The following AFF3 variants were observed in gnomAD, a reference collection of about 807,000 sequenced individuals.
AFF3 encodes the protein AF4/FMR2 family member 3.
In AFF3, 32 loss-of-function variants were observed where a neutral mutation model predicts 129.7. The observed-to-expected ratio is 0.25, with a 90% confidence interval of 0.19 to 0.33. The LOEUF (loss-of-function observed/expected upper bound fraction) is 0.33, where lower values mean the gene tolerates loss of function less well. Among genes scored for constraint, AFF3 ranks in the 10% least tolerant of loss-of-function variants. AFF3 has a pLI of 1.00. For synonymous variants in AFF3, 644 were observed against 635.4 expected (o/e 1.01, Z -0.20); for missense variants, 1,373 against 1,592.0 (o/e 0.86, Z 2.34).
intron 8 of AFF3, among the ~76,000 whole-genome samples, chr2:99,791,877 C>T (rs1685218881): frequency 6.6e-6 from 1 of 150,566 alleles, no homozygotes; most frequent in Admixed American, 6.6e-5. Flanking sequence ...AGGCATCGTG[C>T]TCAGTGCTGT....
chr2:99,717,665 G>A (rs1265639660), intron 11 of AFF3, among the ~76,000 whole-genome samples: 1 of 152,156 alleles, frequency 6.6e-6, no homozygotes, highest in Non-Finnish European at 1.5e-5. Context: ...CCGGTTCGCA[G>A]CTTGACTTTT....
At chr2:100,104,950 C>G (rs1260454909) in intron 3 of AFF3, 1 of 155,218 alleles carries the variant, frequency 6.4e-6, no homozygotes, top group Non-Finnish European at 1.4e-5. Flanking sequence ...GTACTCCCCG[C>G]GCCGCTCCTC....
At chr2:99,652,386 A>G (rs1326346659) in intron 12 of AFF3, among the ~76,000 whole-genome samples, 1 of 152,152 alleles carries the variant, frequency 6.6e-6, no homozygotes, top group Non-Finnish European at 1.5e-5. Flanking sequence ...CAGGGATACT[A>G]AAGCCCTTCA....
chr2:100,133,511 C>A (rs924548328), intron 1 of AFF3, among the ~76,000 whole-genome samples: 10 of 152,076 alleles, frequency 6.6e-5, no homozygotes, highest in Admixed American at 6.5e-4. Flanking sequence ...CAGGCATGAT[C>A]ATAGTGACTT....
At chr2:99,670,543 G>A (rs1687062984) in intron 12 of AFF3, among the ~76,000 whole-genome samples, 1 of 152,120 alleles carries the variant, frequency 6.6e-6, no homozygotes, top group Non-Finnish European at 1.5e-5. Context: ...GTCTGTGTGT[G>A]TGTGTGTGTG....
chr2:100,056,343 A>G (rs1335048690), intron 4 of AFF3, among the ~76,000 whole-genome samples: 1 of 152,202 alleles, frequency 6.6e-6, no homozygotes, highest in African/African-American at 2.4e-5. Flanking sequence ...ATATGTTCAC[A>G]AACGTCTGCT....
At chr2:99,624,035 C>T (rs1025297801) in intron 13 of AFF3, among the ~76,000 whole-genome samples, 1 of 152,220 alleles carries the variant, frequency 6.6e-6, no homozygotes, top group Non-Finnish European at 1.5e-5. Flanking sequence ...GCGTACAGGG[C>T]CCTGGGAGGC....
chr2:99,857,330 C>T (rs914252257), intron 7 of AFF3, among the ~76,000 whole-genome samples: 9 of 152,166 alleles, frequency 5.9e-5, no homozygotes, highest in African/African-American at 2.2e-4. Context: ...TCAATTGTCA[C>T]AGTTTGTTTA....
intron 8 of AFF3, among the ~76,000 whole-genome samples, chr2:99,802,704 T>C (rs541712000): frequency 1.0e-3 from 156 of 151,702 alleles, no homozygotes; most frequent in African/African-American, 3.6e-3. Context: ...TTTTTTTTTT[T>C]TTTTTTTTGC....
chr2:99,889,008 T>C lies in AFF3; in HGVS notation c.874-51484A>G, dbSNP rs1223553973. Among the ~76,000 whole-genome samples the C allele has an allele frequency of 2.6e-5, 4 of 152,366 alleles. No homozygotes were observed. The East Asian group carries it at 7.7e-4, about 29-fold the overall frequency. ...TGCCATAAAAATAATGATGTAGCTGTATGCTTTAAACCTTTAAAAATTTAT... is the reference window on the plus strand; with the variant it reads ...TGCCATAAAAATAATGATGTAGCTGCATGCTTTAAACCTTTAAAAATTTAT... On this transcript the variant is annotated intron_variant, in intron 7 of 24. Coordinates refer to ENST00000672756, the MANE Select transcript of AFF3 (RefSeq NM_001386135.1).
At chr2:100,049,213 C>T (rs1047731744) in intron 4 of AFF3, among the ~76,000 whole-genome samples, 6 of 152,190 alleles carry the variant, frequency 3.9e-5, no homozygotes, top group African/African-American at 1.4e-4. Context: ...TGTGACCATA[C>T]ATCCCACCAA....
chr2:100,093,862 A>G (rs1318077741), intron 4 of AFF3, among the ~76,000 whole-genome samples: 3 of 152,200 alleles, frequency 2.0e-5, no homozygotes, highest in Non-Finnish European at 2.9e-5. Context: ...CCCAGACTTC[A>G]TCCTAGACAG....
At chr2:99,995,032 A>G (rs551289054) in intron 7 of AFF3, among the ~76,000 whole-genome samples, 124 of 152,308 alleles carry the variant, frequency 8.1e-4, no homozygotes, top group African/African-American at 2.8e-3. Flanking sequence ...ATAAATAATA[A>G]TGTATGGTAA....
chr2:99,765,331 GT>G (rs1682920366), intron 8 of AFF3, among the ~76,000 whole-genome samples: 1 of 152,146 alleles, frequency 6.6e-6, no homozygotes, highest in South Asian at 2.1e-4. Flanking sequence ...TCTTGGCCAC[GT>G]TTTCCACACA....
At position 99,594,167 on chromosome 2, in the gene AFF3, G is replaced by A. The variant is rs1679054570; in HGVS notation, c.1494C>T (p.Asn498=). Residue 498 remains asparagine (N), a synonymous_variant, in exon 15 of 25, where the codon AAC becomes AAT. Coordinates refer to ENST00000672756, the MANE Select transcript of AFF3 (RefSeq NM_001386135.1). ...AGTCCTGGACGTCCTCTTTCACCGGGTTGTAGTACTGATTGCTCTCTGACC... is the reference window on the plus strand; with the variant it reads ...AGTCCTGGACGTCCTCTTTCACCGGATTGTAGTACTGATTGCTCTCTGACC... ...SHGSESNQYY[N]PVKEDVQDCG... The A allele has an allele frequency of 6.2e-7, 1 of 1,614,044 alleles. No individual in the cohort carries two copies. Among genetic ancestry groups the A allele is most frequent in the African/African-American group, 1.3e-5 (1 of 74,934 alleles).
chr2:99,813,418 A>G (rs1686951653), intron 8 of AFF3, among the ~76,000 whole-genome samples: 1 of 152,226 alleles, frequency 6.6e-6, no homozygotes, highest in Non-Finnish European at 1.5e-5. Context: ...AACATTTACT[A>G]AATTAAAAGA....
intron 12 of AFF3, among the ~76,000 whole-genome samples, chr2:99,668,696 A>G (rs997807672): frequency 1.4e-5 from 2 of 147,686 alleles, no homozygotes; most frequent in Non-Finnish European, 2.9e-5. Flanking sequence ...CTAAGTAGCT[A>G]GGATTACAGG....
intron 7 of AFF3, among the ~76,000 whole-genome samples, chr2:99,845,507 G>C (rs1576169060): frequency 6.6e-6 from 1 of 152,244 alleles, no homozygotes; most frequent in East Asian, 1.9e-4. Flanking sequence ...GCTTATCCAT[G>C]GGGTCATGTC....
intron 10 of AFF3, among the ~76,000 whole-genome samples, chr2:99,739,481 C>G (rs952375329): frequency 6.6e-6 from 1 of 152,156 alleles, no homozygotes; most frequent in Non-Finnish European, 1.5e-5. Context: ...AGTCACTCAA[C>G]TGAACAGGAC....
Sources: allele counts gnomAD v4.1 joint callset (sites outside exome capture counted in the v4.1 genomes callset), GRCh38; gene constraint gnomAD v4.1.1; transcripts MANE v1.5; gene names NCBI Gene and HGNC (gene_info 2026-07-23, HGNC 2026-07-21).